PARD3B: variants seen among roughly 807,000 people sequenced by gnomAD.
PARD3B encodes partitioning defective 3 homolog B.
Under a neutral mutation model 130.2 loss-of-function variants are expected in PARD3B, and 103 were observed. That is an observed-to-expected ratio of 0.79 (90% CI 0.67 to 0.93). The LOEUF (loss-of-function observed/expected upper bound fraction) is 0.93, where lower values mean the gene tolerates loss of function less well. PARD3B is among the 40% of genes least tolerant of loss of function. The pLI, the probability that PARD3B is intolerant of heterozygous loss-of-function variation, is 0.00. For synonymous variants in PARD3B, 583 were observed against 553.2 expected, an observed-to-expected ratio of 1.05 and a Z score of -0.76; for missense variants, 1,609 against 1,499.2, an observed-to-expected ratio of 1.07 and a Z score of -1.21.
intron 1 of PARD3B, among the ~76,000 whole-genome samples, chr2:204,583,805 T>A (rs1278665540): frequency 1.3e-5 from 2 of 152,220 alleles, no homozygotes; most frequent in African/African-American, 4.8e-5. Context: ...GAAAATATTC[T>A]TTTCGTGTAT....
intron 2 of PARD3B, among the ~76,000 whole-genome samples, chr2:204,710,768 A>T (rs531955566): frequency 6.6e-6 from 1 of 152,182 alleles, no homozygotes. Context: ...TGGAATCTGT[A>T]TGGCGTCCTG....
intron 12 of PARD3B, among the ~76,000 whole-genome samples, chr2:205,175,156 G>T (rs570665233): frequency 6.6e-6 from 1 of 152,304 alleles, no homozygotes; most frequent in South Asian, 2.1e-4. Flanking sequence ...CTGATCAGTT[G>T]TTGGGATATC....
rs932842036 is a variant in PARD3B at position 205,000,753 on chromosome 2, A to C, written c.394+35430A>C. 9.3e-4 allele frequency among the ~76,000 whole-genome samples: 141 copies of C among 152,126 alleles called. 7 individuals are homozygous for C. Among genetic ancestry groups the C allele is most frequent in the Non-Finnish European group, 2.9e-4 (20 of 68,026 alleles). On this transcript the variant is annotated intron_variant, in intron 3 of 22. Transcript: ENST00000406610. The stretch of plus-strand genomic sequence containing the variant: ...TGGGAGCAATTTTTTTTAGAGTTTC[A>C]AACTGATTTCCTGAGTACATCGTCC...
intron 21 of PARD3B, among the ~76,000 whole-genome samples, chr2:205,538,793 T>G (rs1352290128): frequency 6.6e-6 from 1 of 152,186 alleles, no homozygotes; most frequent in African/African-American, 2.4e-5. Context: ...TTTTTTTATT[T>G]TGTTTTGTTT....
chr2:205,181,058 C>T (rs2035759157), intron 13 of PARD3B, among the ~76,000 whole-genome samples: 1 of 152,132 alleles, frequency 6.6e-6, no homozygotes, highest in South Asian at 2.1e-4. Flanking sequence ...TAGCTCTTTT[C>T]CTGCTTCTCC....
At chr2:205,334,522 T>C (rs927786951) in intron 18 of PARD3B, among the ~76,000 whole-genome samples, 1 of 152,158 alleles carries the variant, frequency 6.6e-6, no homozygotes. Context: ...AAAAATAACA[T>C]TGTAACCTCA....
intron 22 of PARD3B, among the ~76,000 whole-genome samples, chr2:205,556,308 G>T (rs966168102): frequency 1.3e-5 from 2 of 152,164 alleles, no homozygotes; most frequent in African/African-American, 4.8e-5. Context: ...GTAGTTTTTA[G>T]GAACAATTCA....
At chr2:205,348,338 G>A (rs918617736) in intron 18 of PARD3B, among the ~76,000 whole-genome samples, 11 of 152,118 alleles carry the variant, frequency 7.2e-5, no homozygotes, top group Admixed American at 3.9e-4. Context: ...TCTCCTCTCC[G>A]TATTCTCAAT....
chr2:204,574,252 A>G (rs1314594104), intron 1 of PARD3B, among the ~76,000 whole-genome samples: 1 of 152,132 alleles, frequency 6.6e-6, no homozygotes, highest in Non-Finnish European at 1.5e-5. Context: ...TCCTAACTTT[A>G]TTATCATTTA....
intron 10 of PARD3B, among the ~76,000 whole-genome samples, chr2:205,157,020 C>A (rs188168887): frequency 5.2e-4 from 79 of 152,228 alleles, no homozygotes; most frequent in Non-Finnish European, 1.0e-3. Flanking sequence ...AAAATTAGTT[C>A]TTGTCTCTTT....
chr2:204,742,784 C>A (rs1027838635), intron 2 of PARD3B, among the ~76,000 whole-genome samples: 1 of 152,116 alleles, frequency 6.6e-6, no homozygotes, highest in Non-Finnish European at 1.5e-5. Flanking sequence ...AGTACTGTAA[C>A]ATAGGATAGT....
At chr2:204,630,879 T>C (rs548752966) in intron 1 of PARD3B, among the ~76,000 whole-genome samples, 24 of 152,256 alleles carry the variant, frequency 1.6e-4, no homozygotes, top group African/African-American at 2.9e-4. Flanking sequence ...TAGATAGTGG[T>C]CTATTTTATT....
At chr2:205,221,632 C>T (rs757042183) in intron 15 of PARD3B, among the ~76,000 whole-genome samples, 17 of 152,126 alleles carry the variant, frequency 1.1e-4, no homozygotes, top group African/African-American at 3.6e-4. Context: ...ATTTCAATCA[C>T]GAGGCCACAC....
intron 20 of PARD3B, among the ~76,000 whole-genome samples, chr2:205,442,704 T>A (rs572663371): frequency 3.0e-4 from 45 of 152,292 alleles, no homozygotes; most frequent in Admixed American, 6.5e-4. Context: ...ATCCCCCAAA[T>A]TTTTGTCACC....
intron 15 of PARD3B, among the ~76,000 whole-genome samples, chr2:205,214,158 T>G (rs2037791648): frequency 6.6e-6 from 1 of 152,136 alleles, no homozygotes; most frequent in Admixed American, 6.6e-5. Flanking sequence ...GTTTTTCCTT[T>G]TGGTTGCAGA....
intron 2 of PARD3B, among the ~76,000 whole-genome samples, chr2:204,721,834 T>C (rs1296754584): frequency 1.3e-5 from 2 of 152,152 alleles, no homozygotes; most frequent in East Asian, 3.9e-4. Context: ...TTGAATGAAC[T>C]TTTAATTCAA....
At chr2:204,742,698 T>C (rs1160388372) in intron 2 of PARD3B, among the ~76,000 whole-genome samples, 1 of 152,210 alleles carries the variant, frequency 6.6e-6, no homozygotes, top group East Asian at 1.9e-4. Context: ...AAAATGACTT[T>C]TTAAATGATT....
intron 3 of PARD3B, among the ~76,000 whole-genome samples, chr2:204,989,842 A>G (rs927827094): frequency 9.2e-5 from 14 of 152,086 alleles, no homozygotes; most frequent in Admixed American, 1.3e-4. Flanking sequence ...GGATATTTGC[A>G]TTATTTCCAG....
At chr2:204,806,962 A>G (rs1260123760) in intron 2 of PARD3B, among the ~76,000 whole-genome samples, 1 of 152,158 alleles carries the variant, frequency 6.6e-6, no homozygotes, top group Non-Finnish European at 1.5e-5. Context: ...ATTTATAAAG[A>G]AAAAGAGGTT....
Sources: gnomAD v4.1 joint callset for allele counts (sites outside exome capture counted in the v4.1 genomes callset) on GRCh38, gnomAD v4.1.1 for gene constraint, MANE v1.5 for transcripts, NCBI Gene and HGNC (gene_info 2026-07-23, HGNC 2026-07-21) for gene names.